Variants in DSCAM observed in about 807,000 individuals in gnomAD.
DSCAM encodes the protein cell adhesion molecule DSCAM.
In DSCAM, 47 loss-of-function variants were observed where a neutral mutation model predicts 217.7. That is an observed-to-expected ratio of 0.22 (90% confidence interval 0.17 to 0.28). The LOEUF (loss-of-function observed/expected upper bound fraction) is 0.28. Among genes scored for constraint, DSCAM ranks in the 10% least tolerant of loss-of-function variants. The pLI is 1.00. For missense variants in DSCAM, 2,080 were observed against 2,618.3 expected, an observed-to-expected ratio of 0.79 and a Z score of 4.49; for synonymous variants, 1,056 against 1,015.3, an observed-to-expected ratio of 1.04 and a Z score of -0.76.
At chr21:40,558,367 G>C (rs1250732528) in intron 3 of DSCAM, among the ~76,000 whole-genome samples, 1 of 151,728 alleles carries the variant, frequency 6.6e-6, no homozygotes, top group Non-Finnish European at 1.5e-5. Context: ...AGAATGGCAT[G>C]AACCTGGGAG....
At position 40,553,602 on chromosome 21, in the gene DSCAM, A is replaced by T. The variant is rs185448861; in HGVS notation, c.508+139208T>A. 9.1e-3 allele frequency among the ~76,000 whole-genome samples: 1,392 copies of T among 152,240 alleles called. 20 individuals carry two copies. The highest frequency in any genetic ancestry group is 0.031 in the African/African-American group (1,306 of 41,538). On this transcript the variant is annotated intron_variant, in intron 3 of 32. Transcript: ENST00000400454. ...ATATCATTAACCAAATATACCTTTA[A>T]TTTTTTAACCAATCCTTCCTCTTCT...
chr21:40,429,357 C>T (rs2075508163), intron 3 of DSCAM, among the ~76,000 whole-genome samples: 1 of 151,766 alleles, frequency 6.6e-6, no homozygotes, highest in South Asian at 2.1e-4. Context: ...ACCTCTGTCT[C>T]CCGAGTTCAA....
At position 40,648,087 on chromosome 21, in the gene DSCAM, T is replaced by C. The variant is rs1011155310; in HGVS notation, c.508+44723A>G. On this transcript the variant is annotated intron_variant, in intron 3 of 32. Transcript: ENST00000400454. ...AAGAAAGCAGTTGTAGTTCACATAC[T>C]TGCAAAATTTGGAAAAGTAAAATAA... is the stretch of plus-strand genomic sequence containing the variant. Among the ~76,000 whole-genome samples the C allele has an allele frequency of 2.4e-5, 3 of 127,272 alleles. No homozygotes were observed. In the Admixed American group the frequency reaches 2.7e-4, roughly 12 times the overall value. 83.5% of individuals were successfully genotyped at this position (127,272 alleles called of 152,430 possible). A position where few individuals can be genotyped will look rare whatever the true frequency, so the allele number is the denominator to read the frequency against.
intron 3 of DSCAM, among the ~76,000 whole-genome samples, chr21:40,654,207 T>A (rs1465045665): frequency 1.3e-5 from 2 of 152,172 alleles, no homozygotes; most frequent in African/African-American, 2.4e-5. Context: ...GGTAAAAATA[T>A]TTTTGTTTTC....
intron 3 of DSCAM, among the ~76,000 whole-genome samples, chr21:40,414,107 A>G (rs1444863047): frequency 6.6e-6 from 1 of 152,214 alleles, no homozygotes. Context: ...TTTGAGCTAT[A>G]AAAGAAAAAA....
At chr21:40,693,958 C>T (rs367545570) in intron 2 of DSCAM, among the ~76,000 whole-genome samples, 2 of 152,180 alleles carry the variant, frequency 1.3e-5, no homozygotes, top group African/African-American at 4.8e-5. Context: ...AGCAAATCCT[C>T]TCACCATCTA....
chr21:40,610,286 A>G (rs1378039595), intron 3 of DSCAM, among the ~76,000 whole-genome samples: 3 of 152,136 alleles, frequency 2.0e-5, no homozygotes, highest in Non-Finnish European at 4.4e-5. Context: ...TCTCCCCTCC[A>G]TCTCGGACAC....
At chr21:40,319,334 C>A (rs2074234459) in intron 8 of DSCAM, among the ~76,000 whole-genome samples, 1 of 152,098 alleles carries the variant, frequency 6.6e-6, no homozygotes, top group Admixed American at 6.5e-5. Flanking sequence ...ATAGCTGGAC[C>A]CAATCATCCA....
chr21:40,684,116 C>A (rs1019817653), intron 3 of DSCAM, among the ~76,000 whole-genome samples: 1 of 149,930 alleles, frequency 6.7e-6, no homozygotes, highest in Non-Finnish European at 1.5e-5. Context: ...CCCAGCTACT[C>A]CGGAGGCTGA....
At chr21:40,361,719 G>A (rs918886103) in intron 4 of DSCAM, among the ~76,000 whole-genome samples, 2 of 152,006 alleles carry the variant, frequency 1.3e-5, no homozygotes, top group South Asian at 2.1e-4. Context: ...ATAAAAATAC[G>A]GTTTTGTTAC....
chr21:40,142,766 GA>G (rs2090308837), intron 17 of DSCAM, 62 bp from the exon 18 acceptor site: 1 of 1,489,908 alleles, frequency 6.7e-7, no homozygotes, highest in Non-Finnish European at 9.0e-7. Context: ...AGCAATAACC[GA>G]AAAAGCAACG....
chr21:40,046,933 C>CTACT (rs1172899145), intron 30 of DSCAM, among the ~76,000 whole-genome samples: 1 of 151,968 alleles, frequency 6.6e-6, no homozygotes, highest in Admixed American at 6.6e-5. Flanking sequence ...TGAGATCACC[C>CTACT]TACTTGGAAA....
At chr21:40,784,767 T>C (rs1210351274) in intron 1 of DSCAM, among the ~76,000 whole-genome samples, 1 of 152,210 alleles carries the variant, frequency 6.6e-6, no homozygotes, top group Non-Finnish European at 1.5e-5. Context: ...GAGATGACCA[T>C]CTACGAACCA....
At chr21:40,349,031 G>T (rs891559126) in intron 5 of DSCAM, among the ~76,000 whole-genome samples, 5 of 150,664 alleles carry the variant, frequency 3.3e-5, no homozygotes, top group African/African-American at 1.2e-4. Flanking sequence ...CATGTACTTG[G>T]GAGGCTGAGG....
chr21:40,589,351 G>A (rs1443464795), intron 3 of DSCAM, among the ~76,000 whole-genome samples: 1 of 152,206 alleles, frequency 6.6e-6, no homozygotes, highest in Non-Finnish European at 1.5e-5. Flanking sequence ...GCCGAGGTGG[G>A]TGGATCACGA....
chr21:40,308,260 C>T (rs543585683), intron 9 of DSCAM, among the ~76,000 whole-genome samples: 1 of 152,206 alleles, frequency 6.6e-6, no homozygotes, highest in South Asian at 2.1e-4. Context: ...AATTAACTTA[C>T]TAGTGGAGAA....
intron 6 of DSCAM, among the ~76,000 whole-genome samples, chr21:40,346,674 TA>T: frequency 6.6e-6 from 1 of 151,972 alleles, no homozygotes; most frequent in East Asian, 1.9e-4. Flanking sequence ...AGTAACCAGT[TA>T]AAAAAAAGCA....
intron 3 of DSCAM, among the ~76,000 whole-genome samples, chr21:40,440,273 C>A (rs1242870951): frequency 1.3e-5 from 2 of 152,206 alleles, no homozygotes; most frequent in African/African-American, 4.8e-5. Context: ...TTAAAGGCTC[C>A]AAAGTCCAAA....
intron 3 of DSCAM, among the ~76,000 whole-genome samples, chr21:40,517,230 A>C (rs2076308416): frequency 6.7e-6 from 1 of 149,016 alleles, no homozygotes; most frequent in African/African-American, 2.5e-5. Flanking sequence ...ATATGCATCC[A>C]CACACACACC....
Sources: allele counts gnomAD v4.1 joint callset (sites outside exome capture counted in the v4.1 genomes callset), GRCh38; gene constraint gnomAD v4.1.1; transcripts MANE v1.5; gene names NCBI Gene and HGNC (gene_info 2026-07-23, HGNC 2026-07-21).